Variants in NIPBL observed in about 807,000 individuals in gnomAD.
The protein encoded by NIPBL is nipped-B-like protein.
In NIPBL, 19 loss-of-function variants were observed where a neutral mutation model predicts 321.8. The observed-to-expected ratio is 0.06, with a 90% CI of 0.04 to 0.09. NIPBL has a LOEUF of 0.09. Ranked by LOEUF, NIPBL falls within the 10% of genes least tolerant of loss-of-function variation. NIPBL has a pLI of 1.00. For missense variants in NIPBL, 2,210 were observed against 3,327.0 expected (o/e 0.66, Z 8.26); for synonymous variants, 1,106 against 1,114.1 (o/e 0.99, Z 0.14).
intron 21 of NIPBL, among the ~76,000 whole-genome samples, chr5:37,014,199 A>C (rs565630182): frequency 2.4e-4 from 37 of 151,824 alleles, no homozygotes; most frequent in Non-Finnish European, 4.7e-4. Flanking sequence ...AGACCGTGGA[A>C]AGAGAGGGAG....
At chr5:36,993,455 C>A (rs1447251508) in intron 10 of NIPBL, among the ~76,000 whole-genome samples, 2 of 152,054 alleles carry the variant, frequency 1.3e-5, no homozygotes, top group Non-Finnish European at 2.9e-5. Flanking sequence ...CTGTGTTTGG[C>A]TATTGTGAGT....
At chr5:36,969,670 A>G (rs1742638875) in intron 6 of NIPBL, among the ~76,000 whole-genome samples, 1 of 152,210 alleles carries the variant, frequency 6.6e-6, no homozygotes, top group Admixed American at 6.5e-5. Flanking sequence ...CTGTCTTTTT[A>G]TGACTTTGTG....
intron 1 of NIPBL, among the ~76,000 whole-genome samples, chr5:36,952,064 GCGCGCGCGCA>G (rs1296223826): frequency 1.5e-4 from 20 of 134,502 alleles, no homozygotes; most frequent in East Asian, 4.1e-4. Flanking sequence ...GCGCGCGCGC[GCGCGCGCGCA>G]TGTGTGTGTG....
At chr5:37,049,329 T>C in intron 40 of NIPBL, 28 bp downstream of exon 40, 1 of 1,607,414 alleles carries the variant, frequency 6.2e-7, no homozygotes, top group Non-Finnish European at 8.5e-7. Context: ...CAGCAGCACT[T>C]ACTAAAAGAG....
intron 21 of NIPBL, among the ~76,000 whole-genome samples, chr5:37,011,738 T>C (rs1320730009): frequency 6.6e-6 from 1 of 152,126 alleles, no homozygotes; most frequent in East Asian, 1.9e-4. Flanking sequence ...TATACAATTA[T>C]TTCATTTTTA....
At chr5:36,923,539 A>G in intron 1 of NIPBL, among the ~76,000 whole-genome samples, 1 of 152,178 alleles carries the variant, frequency 6.6e-6, no homozygotes. Flanking sequence ...TTTTATATAC[A>G]TTCTTCTTTC....
At chr5:37,042,268 C>T (rs1752481105) in intron 34 of NIPBL, among the ~76,000 whole-genome samples, 1 of 150,524 alleles carries the variant, frequency 6.6e-6, no homozygotes, top group African/African-American at 2.5e-5. Flanking sequence ...AACCCTGTCT[C>T]TACTAAAAAT....
intron 1 of NIPBL, among the ~76,000 whole-genome samples, chr5:36,912,038 G>A (rs1748089628): frequency 6.6e-6 from 1 of 152,124 alleles, no homozygotes; most frequent in African/African-American, 2.4e-5. Flanking sequence ...GATACAATGA[G>A]GAAGCTAACT....
At chr5:37,027,304 T>TTTTA in intron 31 of NIPBL, 55 bp from the exon 32 acceptor site, 2 of 1,313,220 alleles carry the variant, frequency 1.5e-6, no homozygotes, top group Non-Finnish European at 2.2e-6. Flanking sequence ...CAAAAGTATA[T>TTTTA]TTTATTCACA....
rs114888573 is a variant in NIPBL, at chr5:37,023,891, C to A, written c.5575-694C>A. 2.1e-3 allele frequency among the ~76,000 whole-genome samples: 314 copies of A among 151,434 alleles called. 3 individuals carry two copies. The highest frequency in any genetic ancestry group is 7.3e-3 in the African/African-American group (302 of 41,294). On this transcript the variant is annotated intron_variant, in intron 29 of 46. Coordinates refer to ENST00000282516, the MANE Select transcript of NIPBL (RefSeq NM_133433.4). ...CTTATAAACCATAAGATAGGCCAGG[C>A]GCAGTGCCTCATGCCTGTAATTGCA...
At chr5:36,909,610 T>TA (rs553275317) in intron 1 of NIPBL, among the ~76,000 whole-genome samples, 2 of 151,768 alleles carry the variant, frequency 1.3e-5, no homozygotes, top group Non-Finnish European at 1.5e-5. Context: ...TAGTAAAAAC[T>TA]AAAAAAAAGA....
At chr5:37,020,743 A>G in intron 26 of NIPBL, 32 bp from the exon 27 acceptor site, 1 of 1,608,106 alleles carries the variant, frequency 6.2e-7, no homozygotes, top group Non-Finnish European at 8.5e-7. Context: ...ACAAAAAAAG[A>G]AAAATAAATT....
intron 8 of NIPBL, among the ~76,000 whole-genome samples, chr5:36,974,946 A>T (rs182754350): frequency 2.0e-5 from 3 of 152,054 alleles, no homozygotes; most frequent in South Asian, 4.1e-4. Context: ...AAGCATATCA[A>T]TGCACTTTTT....
At chr5:36,978,555 A>G (rs949890380) in intron 9 of NIPBL, among the ~76,000 whole-genome samples, 12 of 151,780 alleles carry the variant, frequency 7.9e-5, no homozygotes, top group East Asian at 5.8e-4. Context: ...TTACTCTGCT[A>G]TGGTTTCTTT....
At chr5:37,046,291 A>G in intron 38 of NIPBL, 92 bp downstream of exon 38, 1 of 770,868 alleles carries the variant, frequency 1.3e-6, no homozygotes, top group Non-Finnish European at 2.3e-6. Flanking sequence ...ATTTACTTTA[A>G]TATGTTTCTA....
intron 8 of NIPBL, among the ~76,000 whole-genome samples, chr5:36,973,358 T>C (rs1284375277): frequency 6.6e-6 from 1 of 152,038 alleles, no homozygotes; most frequent in Non-Finnish European, 1.5e-5. Flanking sequence ...AAAATTTTAT[T>C]TTATTTTACT....
At chr5:37,015,939 A>T (rs1748932160) in intron 22 of NIPBL, 99 bp from the exon 23 acceptor site, 6 of 1,226,660 alleles carry the variant, frequency 4.9e-6, no homozygotes, top group Non-Finnish European at 7.1e-6. Context: ...AAACATAGAA[A>T]AAAGAAAACT....
chr5:36,914,702 C>G (rs1169042110), intron 1 of NIPBL, among the ~76,000 whole-genome samples: 1 of 152,202 alleles, frequency 6.6e-6, no homozygotes, highest in Non-Finnish European at 1.5e-5. Context: ...AATTGACACT[C>G]AACCTGAATC....
At chr5:36,893,819 A>AG (rs1443062795) in intron 1 of NIPBL, among the ~76,000 whole-genome samples, 1 of 152,180 alleles carries the variant, frequency 6.6e-6, no homozygotes, top group Non-Finnish European at 1.5e-5. Flanking sequence ...TGAAGAATGG[A>AG]GGAGGAGTTG....
Sources: gnomAD v4.1 joint callset for allele counts (sites outside exome capture counted in the v4.1 genomes callset) on GRCh38, gnomAD v4.1.1 for gene constraint, MANE v1.5 for transcripts, NCBI Gene and HGNC (gene_info 2026-07-23, HGNC 2026-07-21) for gene names.